NXPH1: variants seen among roughly 807,000 people sequenced by gnomAD.
NXPH1 encodes the protein neurexophilin-1.
In NXPH1, 5 loss-of-function variants were observed where a neutral mutation model predicts 23.7. The observed-to-expected ratio is 0.21, with a 90% CI of 0.11 to 0.44. NXPH1 has a LOEUF of 0.44. NXPH1 is among the 20% of genes least tolerant of loss of function. NXPH1 has a pLI of 0.99. For synonymous variants in NXPH1, 144 were observed against 122.2 expected, an observed-to-expected ratio of 1.18 and a Z score of -1.18; for missense variants, 324 against 321.6, an observed-to-expected ratio of 1.01 and a Z score of -0.06.
chr7:8,646,209 T>C (rs1820398107), intron 2 of NXPH1, among the ~76,000 whole-genome samples: 1 of 152,180 alleles, frequency 6.6e-6, no homozygotes, highest in South Asian at 2.1e-4. Flanking sequence ...TTTTCTTAGA[T>C]GTATTACTGG....
At chr7:8,584,837 C>T (rs1318794379) in intron 2 of NXPH1, among the ~76,000 whole-genome samples, 2 of 152,186 alleles carry the variant, frequency 1.3e-5, no homozygotes, top group Non-Finnish European at 2.9e-5. Flanking sequence ...GTGGCCTTTT[C>T]ACATTATTCA....
chr7:8,491,488 T>C (rs1438572129), intron 2 of NXPH1, among the ~76,000 whole-genome samples: 1 of 152,050 alleles, frequency 6.6e-6, no homozygotes, highest in Non-Finnish European at 1.5e-5. Context: ...GTTAGTGACA[T>C]ATTGATAATC....
chr7:8,694,468 A>C (rs1219111855), intron 2 of NXPH1, among the ~76,000 whole-genome samples: 2 of 152,204 alleles, frequency 1.3e-5, no homozygotes, highest in African/African-American at 4.8e-5. Context: ...ATGGTAGAGA[A>C]AAAAAAGGCT....
At chr7:8,702,522 T>C (rs1282345654) in intron 2 of NXPH1, among the ~76,000 whole-genome samples, 1 of 152,092 alleles carries the variant, frequency 6.6e-6, no homozygotes, top group Admixed American at 6.6e-5. Context: ...CTATTATATA[T>C]GTGCCTTACA....
At chr7:8,639,282 G>A (rs1820268876) in intron 2 of NXPH1, among the ~76,000 whole-genome samples, 1 of 152,130 alleles carries the variant, frequency 6.6e-6, no homozygotes, top group African/African-American at 2.4e-5. Flanking sequence ...TAGTCTGATA[G>A]CTGCCTCTAT....
chr7:8,730,554 A>G lies in NXPH1; in HGVS notation c.55-20454A>G, dbSNP rs1403785715. Among the ~76,000 whole-genome samples the G allele has an allele frequency of 5.3e-5, 8 of 152,048 alleles. No homozygotes were observed. The East Asian group carries it at 1.4e-3, about 26-fold the overall frequency. ...AGGCCTGGTGGTGACAAAATCTCTCAGCATTTGCTTGTCTGTAAAGTACTT... is the reference window on the plus strand; with the variant it reads ...AGGCCTGGTGGTGACAAAATCTCTCGGCATTTGCTTGTCTGTAAAGTACTT... On this transcript the variant is annotated intron_variant, in intron 2 of 2. Coordinates refer to ENST00000405863, the MANE Select transcript of NXPH1 (RefSeq NM_152745.3).
At chr7:8,682,365 A>G (rs114417653) in intron 2 of NXPH1, among the ~76,000 whole-genome samples, 1 of 152,238 alleles carries the variant, frequency 6.6e-6, no homozygotes, top group Non-Finnish European at 1.5e-5. Flanking sequence ...TTAAAAGCAC[A>G]CTAAAGGATT....
At chr7:8,554,772 C>T (rs73050673) in intron 2 of NXPH1, among the ~76,000 whole-genome samples, 9,558 of 151,664 alleles carry the variant, frequency 0.063, 339 homozygotes, top group Middle Eastern at 0.11. Context: ...TAATACAGCC[C>T]GTTCACCAGA....
At chr7:8,672,085 TAGA>T (rs1761520836) in intron 2 of NXPH1, among the ~76,000 whole-genome samples, 1 of 152,134 alleles carries the variant, frequency 6.6e-6, no homozygotes, top group Non-Finnish European at 1.5e-5. Flanking sequence ...TTTTGCTGTG[TAGA>T]AGCTCTTTAG....
chr7:8,570,897 A>C (rs1818630380), intron 2 of NXPH1, among the ~76,000 whole-genome samples: 1 of 151,892 alleles, frequency 6.6e-6, no homozygotes, highest in African/African-American at 2.4e-5. Flanking sequence ...GAACAATAGC[A>C]GTATTGTGAT....
In NXPH1 at chr7:8,434,259, ATCTC is replaced by A. The variant is rs1816149299; in HGVS notation, c.-604_-601del. The A allele has an allele frequency of 6.6e-6, 1 of 152,570 alleles. No homozygotes were observed. The highest frequency in any genetic ancestry group is 2.1e-4 in the South Asian group (1 of 4,816). 9.5% of individuals were successfully genotyped at this position (152,570 alleles called of 1,614,324 possible). On this transcript the variant is annotated 5_prime_UTR_variant, in exon 1 of 3. Coordinates refer to ENST00000405863, the MANE Select transcript of NXPH1 (RefSeq NM_152745.3). This position sits in a 1 kb window ranked among gnomAD's most constrained non-coding sequence, Gnocchi z 7.6. ...TTTTCTTCCGAAAGGCCAGTGTCTT[ATCTC>A]TCCACTTCAAGTCCAGAGGACTTGC...
intron 2 of NXPH1, among the ~76,000 whole-genome samples, chr7:8,509,851 GCAA>G (rs1261070913): frequency 6.6e-6 from 1 of 152,088 alleles, no homozygotes; most frequent in African/African-American, 2.4e-5. Flanking sequence ...GGGAAGCTGG[GCAA>G]CAACATTTTT....
chr7:8,462,919 A>G (rs542161701), intron 2 of NXPH1, among the ~76,000 whole-genome samples: 27 of 152,316 alleles, frequency 1.8e-4, no homozygotes, highest in Non-Finnish European at 3.5e-4. Flanking sequence ...AGTTAGACTA[A>G]TAAAATCTCA....
chr7:8,459,059 T>C (rs994349508), intron 2 of NXPH1, among the ~76,000 whole-genome samples: 1 of 152,098 alleles, frequency 6.6e-6, no homozygotes, highest in Non-Finnish European at 1.5e-5. Flanking sequence ...AGTAGCTTTT[T>C]GATTCTGATC....
intron 2 of NXPH1, among the ~76,000 whole-genome samples, chr7:8,448,694 G>T (rs1816449890): frequency 6.6e-6 from 1 of 152,050 alleles, no homozygotes; most frequent in Admixed American, 6.5e-5. Flanking sequence ...GCACATGCCT[G>T]TAGTCCCAGC....
At chr7:8,666,603 A>G (rs915877630) in intron 2 of NXPH1, among the ~76,000 whole-genome samples, 1 of 152,112 alleles carries the variant, frequency 6.6e-6, no homozygotes, top group Non-Finnish European at 1.5e-5. Context: ...CTTCAAAAAC[A>G]TTGGTATAAA....
rs1272990541 is a variant in NXPH1, at chr7:8,523,465, A to G, written c.54+87698A>G. On this transcript the variant is annotated intron_variant, in intron 2 of 2. Transcript: ENST00000405863. Reference sequence around the variant, plus strand: ...TGTACATTTGTCCTTTATGAGAATTAAGTACAATTTTCTCTACACTAGCAC... The same window carrying G: ...TGTACATTTGTCCTTTATGAGAATTGAGTACAATTTTCTCTACACTAGCAC... Among the ~76,000 whole-genome samples, 5 of 152,214 alleles carry G rather than the reference A, an allele frequency of 3.3e-5. No individual in the cohort carries two copies. In the East Asian group the frequency reaches 9.6e-4, roughly 29 times the overall value.
intron 2 of NXPH1, among the ~76,000 whole-genome samples, chr7:8,628,246 AC>A (rs1562434313): frequency 6.6e-6 from 1 of 152,102 alleles, no homozygotes; most frequent in Non-Finnish European, 1.5e-5. Flanking sequence ...CAAAGAAAAA[AC>A]GTCACTAACA....
chr7:8,681,807 C>A (rs939294903), intron 2 of NXPH1, among the ~76,000 whole-genome samples: 1 of 152,174 alleles, frequency 6.6e-6, no homozygotes, highest in Non-Finnish European at 1.5e-5. Context: ...GAGACATTGG[C>A]CTATCTGGCC....
Sources: gnomAD v4.1 joint callset for allele counts (sites outside exome capture counted in the v4.1 genomes callset) on GRCh38, gnomAD v4.1.1 for gene constraint, Gnocchi (gnomAD v3.1) non-coding constraint, MANE v1.5 for transcripts, NCBI Gene and HGNC (gene_info 2026-07-23, HGNC 2026-07-21) for gene names.